Variants in ABCC1 observed in about 807,000 individuals in gnomAD.
ABCC1 encodes the protein multidrug resistance-associated protein 1.
ABCC1 carries 83 observed loss-of-function variants against 172.9 expected under a neutral mutation model. The observed-to-expected ratio is 0.48, with a 90% CI of 0.40 to 0.58. The LOEUF (loss-of-function observed/expected upper bound fraction) is 0.58, where lower values mean the gene tolerates loss of function less well. ABCC1 is among the 20% of genes least tolerant of loss of function. The pLI is 0.00. For synonymous variants in ABCC1, 937 were observed against 825.2 expected (o/e 1.14, Z -2.32); for missense variants, 1,817 against 2,002.7 (o/e 0.91, Z 1.77).
intron 21 of ABCC1, among the ~76,000 whole-genome samples, chr16:16,108,874 G>C (rs2052262826): frequency 6.6e-6 from 1 of 151,650 alleles, no homozygotes; most frequent in Admixed American, 6.6e-5. Context: ...TTACAGATGT[G>C]AGCCACCACA....
chr16:16,134,471 T>C lies in ABCC1; in HGVS notation c.4088T>C (p.Leu1363Pro). ...IDGINIAKIG[L>P]HDLRFKITII... Reference sequence around the variant, plus strand: ...GGCATCAACATCGCCAAGATCGGCCTGCACGACCTCCGCTTCAAGATCACC... The same window carrying C: ...GGCATCAACATCGCCAAGATCGGCCCGCACGACCTCCGCTTCAAGATCACC... The change falls in exon 28 of 31, where the codon CTG (leucine) becomes CCG (proline). Residue 1363 changes from leucine (L) to proline (P), a missense_variant. Physicochemically the swap from Leu to Pro is moderately conservative, Grantham distance 98. Coordinates refer to ENST00000399410, the MANE Select transcript of ABCC1 (RefSeq NM_004996.4). 6.2e-7 allele frequency: 1 copy of C among 1,614,178 alleles called. No individual in the cohort carries two copies. Among genetic ancestry groups the C allele is most frequent in the Non-Finnish European group, 8.5e-7 (1 of 1,180,032 alleles).
intron 26 of ABCC1, among the ~76,000 whole-genome samples, chr16:16,127,183 AAAC>A (rs2045476685): frequency 6.6e-6 from 1 of 152,150 alleles, no homozygotes; most frequent in African/African-American, 2.4e-5. Context: ...GCCCAGACTT[AAAC>A]GTTTAATATA....
Position 16,106,766 on chromosome 16 carries a change from G to A in ABCC1, c.2764G>A (p.Gly922Arg), listed in dbSNP as rs1567412105. The change falls in exon 21 of 31, where the codon GGG becomes AGG. Residue 922 changes from glycine to arginine, a missense_variant. By Grantham distance (125) the Gly-to-Arg change is moderately radical. Coordinates refer to ENST00000399410, the MANE Select transcript of ABCC1 (RefSeq NM_004996.4). Reference sequence around the variant, plus strand: ...GCTCAGCAGCTCCTCCTCCTATAGTGGGGACATCAGCAGGCACCACAACAG... The same window carrying A: ...GCTCAGCAGCTCCTCCTCCTATAGTAGGGACATCAGCAGGCACCACAACAG... ...RQLSSSSSYS[G>R]DISRHHNSTA... is the part of the protein sequence containing the mutation. The A allele has an allele frequency of 1.2e-6, 2 of 1,614,122 alleles. No homozygotes were observed. Among genetic ancestry groups the A allele is most frequent in the Admixed American group, 1.7e-5 (1 of 60,020 alleles).
chr16:16,093,922 A>G (rs1336696585), intron 19 of ABCC1, among the ~76,000 whole-genome samples: 27 of 144,994 alleles, frequency 1.9e-4, no homozygotes, highest in Non-Finnish European at 3.0e-5. Context: ...CTCCCGGGAT[A>G]TTCAGTTTAC....
At chr16:15,995,224 C>G (rs186672646) in intron 1 of ABCC1, among the ~76,000 whole-genome samples, 1 of 152,120 alleles carries the variant, frequency 6.6e-6, no homozygotes, top group South Asian at 2.1e-4. Flanking sequence ...AAATGGGTTA[C>G]GTTATAGTAC....
intron 22 of ABCC1, among the ~76,000 whole-genome samples, chr16:16,113,993 G>T (rs1039277792): frequency 7.9e-5 from 12 of 152,198 alleles, no homozygotes; most frequent in Non-Finnish European, 1.5e-4. Flanking sequence ...TGCTCAGGAG[G>T]TGACCACCAC....
intron 1 of ABCC1, 105 bp from the exon 2 acceptor site, chr16:16,007,711 T>C (rs1291694100): frequency 4.4e-6 from 5 of 1,132,016 alleles, no homozygotes; most frequent in Non-Finnish European, 6.3e-6. Flanking sequence ...TATAGGAGCC[T>C]TGTCTGTTTC....
At chr16:16,074,746 C>G (rs2050487512) in intron 14 of ABCC1, among the ~76,000 whole-genome samples, 1 of 152,174 alleles carries the variant, frequency 6.6e-6, no homozygotes, top group African/African-American at 2.4e-5. Context: ...CATTCCACGT[C>G]CACTCGTAGA....
intron 1 of ABCC1, among the ~76,000 whole-genome samples, chr16:15,971,310 G>A (rs920380253): frequency 1.3e-5 from 2 of 152,178 alleles, no homozygotes; most frequent in Non-Finnish European, 2.9e-5. Flanking sequence ...TTGGGGAGGT[G>A]TGGTGGCGGC....
At chr16:15,976,709 TA>T (rs1423194655) in intron 1 of ABCC1, among the ~76,000 whole-genome samples, 2 of 152,180 alleles carry the variant, frequency 1.3e-5, no homozygotes, top group African/African-American at 4.8e-5. Context: ...ATGATGACAA[TA>T]GCCATAGTAG....
chr16:16,105,153 C>T (rs567854489), intron 20 of ABCC1, among the ~76,000 whole-genome samples: 16 of 152,314 alleles, frequency 1.1e-4, no homozygotes, highest in African/African-American at 2.2e-4. Context: ...AGAGAGCGAG[C>T]GAGGGCTGCG....
intron 1 of ABCC1, among the ~76,000 whole-genome samples, chr16:15,969,011 C>T (rs1416494216): frequency 6.6e-6 from 1 of 152,028 alleles, no homozygotes; most frequent in Non-Finnish European, 1.5e-5. Context: ...AGTTCAAGGC[C>T]AGGCTGTCCA....
intron 19 of ABCC1, among the ~76,000 whole-genome samples, chr16:16,096,596 A>C (rs1596492166): frequency 1.3e-5 from 2 of 152,268 alleles, no homozygotes; most frequent in Non-Finnish European, 1.5e-5. Flanking sequence ...GGAGGAGGTC[A>C]GTGAGGCAGC....
chr16:16,014,280 T>C (rs1024314525), intron 3 of ABCC1, among the ~76,000 whole-genome samples: 8 of 152,128 alleles, frequency 5.3e-5, no homozygotes, highest in African/African-American at 1.9e-4. Flanking sequence ...ACCCCGTCTT[T>C]ACTAAAAATA....
At chr16:16,087,130 C>A (rs1255473219) in intron 18 of ABCC1, 139 bp downstream of exon 18, 13 of 1,061,592 alleles carry the variant, frequency 1.2e-5, no homozygotes, top group Non-Finnish European at 1.6e-5. Context: ...ATTTCTCATG[C>A]TTGTCTTGGA....
intron 1 of ABCC1, among the ~76,000 whole-genome samples, chr16:15,979,907 T>C (rs2046581977): frequency 6.6e-6 from 1 of 152,178 alleles, no homozygotes. Context: ...TGAGGTCCAT[T>C]CATAGATGCC....
chr16:16,015,017 G>A (rs1228029029), intron 4 of ABCC1, among the ~76,000 whole-genome samples: 1 of 152,192 alleles, frequency 6.6e-6, no homozygotes, highest in East Asian at 1.9e-4. Flanking sequence ...GTTCCCCTGG[G>A]GGACCCTAGG....
chr16:16,003,319 GGGT>G (rs1388073448), intron 1 of ABCC1, among the ~76,000 whole-genome samples: 1,478 of 25,744 alleles, frequency 0.057, 303 homozygotes, highest in African/African-American at 0.28. Context: ...ATTGGTAGGT[GGGT>G]AGGGTGGATG....
intron 1 of ABCC1, among the ~76,000 whole-genome samples, chr16:15,987,323 CTG>C (rs2151614149): frequency 6.6e-6 from 1 of 152,292 alleles, no homozygotes; most frequent in African/African-American, 2.4e-5. Flanking sequence ...GATGCGGAAA[CTG>C]AGGTTTAGTT....
Sources: allele counts gnomAD v4.1 joint callset (sites outside exome capture counted in the v4.1 genomes callset), GRCh38; gene constraint gnomAD v4.1.1; transcripts MANE v1.5; gene names NCBI Gene and HGNC (gene_info 2026-07-23, HGNC 2026-07-21).